The following ZNF610 variants were observed in gnomAD, a reference collection of about 807,000 sequenced individuals.
ZNF610 encodes the protein zinc finger protein 610.
ZNF610 carries 14 observed loss-of-function variants against 14.1 expected under a neutral mutation model. That is an observed-to-expected ratio of 0.99 (90% CI 0.65 to 1.55). ZNF610 has a LOEUF of 1.55. Ranked by LOEUF, ZNF610 falls within the 40% of genes most tolerant of loss-of-function variation. The pLI is 0.00. For synonymous variants in ZNF610, 185 were observed against 187.6 expected (o/e 0.99, Z 0.11); for missense variants, 530 against 558.0 (o/e 0.95, Z 0.51).
chr19:52,352,833 T>TG (rs1375886637), intron 3 of ZNF610, among the ~76,000 whole-genome samples: 2 of 125,930 alleles, frequency 1.6e-5, no homozygotes, highest in South Asian at 5.6e-4. Flanking sequence ...TTTAATATCA[T>TG]GTTTTTTTTG....
chr19:52,339,430 C>T (rs540717582), intron 1 of ZNF610, among the ~76,000 whole-genome samples: 4 of 146,696 alleles, frequency 2.7e-5, no homozygotes, highest in East Asian at 2.0e-4. Flanking sequence ...GAGTTCCCTG[C>T]GGCCTTCCAC....
upstream of ZNF610, among the ~76,000 whole-genome samples, chr19:52,334,884 G>A (rs887897218): frequency 1.8e-4 from 27 of 150,754 alleles, no homozygotes; most frequent in Admixed American, 4.0e-4. Flanking sequence ...AGCTGAAACC[G>A]TGTCACTGCA....
At chr19:52,340,475 T>A (rs539965399) in intron 1 of ZNF610, among the ~76,000 whole-genome samples, 2 of 152,168 alleles carry the variant, frequency 1.3e-5, no homozygotes, top group East Asian at 1.9e-4. Flanking sequence ...TTTCCTTACC[T>A]CAAACAGTAA....
chr19:52,348,655 A>G (rs757324233), intron 2 of ZNF610, among the ~76,000 whole-genome samples: 1 of 152,220 alleles, frequency 6.6e-6, no homozygotes, highest in Non-Finnish European at 1.5e-5. Context: ...TGTCACATGC[A>G]TAATTTAAGT....
chr19:52,339,264 T>C (rs755982774), intron 1 of ZNF610, among the ~76,000 whole-genome samples: 11 of 151,980 alleles, frequency 7.2e-5, no homozygotes, highest in Non-Finnish European at 1.2e-4. Flanking sequence ...CCTCTTATCT[T>C]AACTGCAAAG....
chr19:52,366,329 A>G lies in ZNF610; in HGVS notation c.951A>G (p.Lys317=), dbSNP rs141159263. 917 of 1,614,072 alleles carry G rather than the reference A, an allele frequency of 5.7e-4. No homozygotes were observed. Among genetic ancestry groups the G allele is most frequent in the Non-Finnish European group, 7.4e-4 (877 of 1,180,030 alleles). Residue 317 remains lysine, a synonymous_variant, in exon 6 of 6, where the codon AAA becomes AAG. Coordinates refer to ENST00000403906, the MANE Select transcript of ZNF610 (RefSeq NM_001161425.2). ...TCCATACTGGAGAGAAACCTTACAA[A>G]TGTAATGAGTGTGGCAAGAACTTCA... ...LVIHTGEKPY[K]CNECGKNFRH...
At chr19:52,332,315 G>A (rs1300024270), upstream of ZNF610, among the ~76,000 whole-genome samples, 1 of 152,210 alleles carries the variant, frequency 6.6e-6, no homozygotes, top group African/African-American at 2.4e-5. The surrounding 1 kb of genome is among the most constrained non-coding windows in gnomAD (Gnocchi z 4.1). Flanking sequence ...CGTAACCCAT[G>A]GTTTCCATAG....
intron 1 of ZNF610, among the ~76,000 whole-genome samples, chr19:52,340,703 C>G (rs1377976398): frequency 6.9e-6 from 1 of 144,328 alleles, no homozygotes; most frequent in Non-Finnish European, 1.5e-5. Flanking sequence ...TTATTTGAGA[C>G]GGAGTCTCAC....
intron 5 of ZNF610, among the ~76,000 whole-genome samples, chr19:52,354,909 C>G (rs922302328): frequency 6.6e-6 from 1 of 152,046 alleles, no homozygotes. Context: ...GTGTGGGAAA[C>G]TCTCCAAAGG....
At chr19:52,344,733 T>C (rs1448992348) in intron 1 of ZNF610, among the ~76,000 whole-genome samples, 2 of 152,182 alleles carry the variant, frequency 1.3e-5, no homozygotes, top group African/African-American at 4.8e-5. Flanking sequence ...AAATGAAGAA[T>C]GTACAACTTT....
chr19:52,345,940 G>A (rs1056454695), intron 1 of ZNF610, among the ~76,000 whole-genome samples: 9 of 150,724 alleles, frequency 6.0e-5, no homozygotes, highest in Admixed American at 2.6e-4. Flanking sequence ...TCCTGACCTC[G>A]TGATCCACCC....
chr19:52,360,119 C>T (rs1329941948), intron 5 of ZNF610, among the ~76,000 whole-genome samples: 1 of 152,098 alleles, frequency 6.6e-6, no homozygotes, highest in Non-Finnish European at 1.5e-5. Flanking sequence ...TTATAGAAAC[C>T]TTATTATGTC....
In ZNF610 at chr19:52,357,786, G is replaced by A. The variant is rs561314927; in HGVS notation, c.319+3407G>A. Reference sequence around the variant, plus strand: ...TGAGCTATGATCGCGCCACTGCACTGCAGCCTGGCTGACACAGAGCAAGAC... The same window carrying A: ...TGAGCTATGATCGCGCCACTGCACTACAGCCTGGCTGACACAGAGCAAGAC... On this transcript the variant is annotated intron_variant, in intron 5 of 5. Coordinates refer to ENST00000403906, the MANE Select transcript of ZNF610 (RefSeq NM_001161425.2). Among the ~76,000 whole-genome samples, 24 of 152,156 alleles carry A rather than the reference G, an allele frequency of 1.6e-4. 1 individual carries two copies. In the South Asian group the frequency reaches 4.2e-3, roughly 26 times the overall value.
chr19:52,344,011 C>A (rs1292525102), intron 1 of ZNF610: 1 of 152,138 alleles, frequency 6.6e-6, no homozygotes, highest in Admixed American at 6.5e-5. Context: ...CAACCACATT[C>A]TCTGGGGTGG....
At chr19:52,354,422 T>G (rs938875320) in intron 5 of ZNF610, 43 bp downstream of exon 5, 12 of 1,592,760 alleles carry the variant, frequency 7.5e-6, no homozygotes, top group Non-Finnish European at 1.0e-5. Context: ...AGTTTTTATT[T>G]TTTTATTTTT....
chr19:52,353,600 T>C (rs1411126168), intron 3 of ZNF610, 82 bp from the exon 4 acceptor site: 1 of 1,479,806 alleles, frequency 6.8e-7, no homozygotes, highest in East Asian at 2.3e-5. Context: ...TTTAATAGCT[T>C]AATATTCAAA....
chr19:52,343,407 C>A (rs956437208), intron 1 of ZNF610, among the ~76,000 whole-genome samples: 2 of 151,776 alleles, frequency 1.3e-5, no homozygotes, highest in African/African-American at 2.4e-5. Flanking sequence ...TCTCACAAAC[C>A]CACACACAAA....
At chr19:52,358,201 T>C (rs961643877) in intron 5 of ZNF610, among the ~76,000 whole-genome samples, 1 of 152,234 alleles carries the variant, frequency 6.6e-6, no homozygotes, top group Non-Finnish European at 1.5e-5. Context: ...CTTTCTTTTT[T>C]TGAGACGGAG....
chr19:52,353,545 A>T, intron 3 of ZNF610, 137 bp from the exon 4 acceptor site: 1 of 899,088 alleles, frequency 1.1e-6, no homozygotes, highest in Non-Finnish European at 1.6e-6. Flanking sequence ...AACATTTACT[A>T]GAGATTGGAA....
Sources: gnomAD v4.1 joint callset for allele counts (sites outside exome capture counted in the v4.1 genomes callset) on GRCh38, gnomAD v4.1.1 for gene constraint, Gnocchi (gnomAD v3.1) non-coding constraint, MANE v1.5 for transcripts, NCBI Gene and HGNC (gene_info 2026-07-23, HGNC 2026-07-21) for gene names.